PTP4A3: variants seen among roughly 807,000 people sequenced by gnomAD.
PTP4A3 encodes the protein protein tyrosine phosphatase 4A3.
PTP4A3 carries 9 observed loss-of-function variants against 15.2 expected under a neutral mutation model. The observed-to-expected ratio is 0.59, with a 90% CI of 0.36 to 1.03. The LOEUF (loss-of-function observed/expected upper bound fraction) is 1.03, where lower values mean the gene tolerates loss of function less well. PTP4A3 is among the 50% of genes least tolerant of loss of function. The pLI, the probability that PTP4A3 is intolerant of heterozygous loss-of-function variation, is 0.02. For missense variants in PTP4A3, 234 were observed against 252.1 expected (o/e 0.93, Z 0.49); for synonymous variants, 95 against 102.0 (o/e 0.93, Z 0.41).
intron 1 of PTP4A3, among the ~76,000 whole-genome samples, chr8:141,413,598 G>A (rs1202575084): frequency 6.6e-6 from 1 of 152,226 alleles, no homozygotes; most frequent in Non-Finnish European, 1.5e-5. Context: ...GGGCAGGGAG[G>A]GTTAGGGCCG....
Position 141,422,087 on chromosome 8 carries a change from G to C in PTP4A3, c.-154G>C, listed in dbSNP as rs1381751126. On this transcript the variant is annotated 5_prime_UTR_variant, in exon 2 of 6. Transcript: ENST00000521578. ...CAAGTATTTGCACAATATTTGTGCG[G>C]GGTATGGGGGTGGGTTTTTAAATCT... 1 of 652,870 alleles carries C rather than the reference G, an allele frequency of 1.5e-6. No homozygotes were observed. The highest frequency in any genetic ancestry group is 2.7e-6 in the Non-Finnish European group (1 of 375,286). The allele number at this position is 652,870 out of a possible 1,614,324, so 40.4% of individuals were successfully genotyped here. A position where few individuals can be genotyped will look rare whatever the true frequency, so the allele number is the denominator to read the frequency against.
chr8:141,428,870 A>G (rs1833710241), intron 5 of PTP4A3, among the ~76,000 whole-genome samples: 1 of 152,214 alleles, frequency 6.6e-6, no homozygotes, highest in Admixed American at 6.5e-5. Flanking sequence ...ACACATGGAC[A>G]CACATGGATG....
chr8:141,411,279 G>A (rs1451205083), intron 1 of PTP4A3, among the ~76,000 whole-genome samples: 1 of 152,242 alleles, frequency 6.6e-6, no homozygotes, highest in Non-Finnish European at 1.5e-5. Flanking sequence ...AGCCAGTGAT[G>A]TGACTATGAA....
chr8:141,395,811 G>T (rs4961379), intron 1 of PTP4A3, among the ~76,000 whole-genome samples: 6 of 143,514 alleles, frequency 4.2e-5, no homozygotes, highest in Non-Finnish European at 9.2e-5. Context: ...GCATCTTCCC[G>T]GGATGTAGGG....
At chr8:141,419,441 G>A (rs1336723110) in intron 1 of PTP4A3, among the ~76,000 whole-genome samples, 1 of 152,240 alleles carries the variant, frequency 6.6e-6, no homozygotes, top group Admixed American at 6.5e-5. Context: ...CTGTTAGCAC[G>A]TGGTGGCTTC....
Position 141,430,908 on chromosome 8 carries a change from C to T in PTP4A3, c.405-19C>T. The stretch of plus-strand genomic sequence containing the variant: ...GCCAGGTCCTTGGATGATCTCTGTT[C>T]CTGTTCCCCTCTTCCCAGGAAGCGC... On this transcript the variant is annotated intron_variant, in intron 5 of 5. Transcript: ENST00000521578. The T allele has an allele frequency of 1.2e-6, 2 of 1,611,210 alleles. No homozygotes were observed. Among genetic ancestry groups the T allele is most frequent in the Non-Finnish European group, 1.7e-6 (2 of 1,178,370 alleles).
intron 3 of PTP4A3, chr8:141,426,443 CT>C (rs1833581189): frequency 2.0e-6 from 2 of 985,332 alleles, no homozygotes; most frequent in South Asian, 9.4e-5. Flanking sequence ...TGGGCCCTGT[CT>C]CGCCCCACAG....
In PTP4A3 at chr8:141,406,374, G is replaced by A. The variant is rs1018670189; in HGVS notation, c.-854+14290G>A. Among the ~76,000 whole-genome samples, 1 of 152,096 alleles carries A rather than the reference G, an allele frequency of 6.6e-6. No individual in the cohort carries two copies. The highest frequency in any genetic ancestry group is 1.5e-5 in the Non-Finnish European group (1 of 68,006). ...TGCCCTGAAGCACTTCTGAGAAGCC[G>A]GGGAGCAGTTCCCTGGGGTTTCCCC... On this transcript the variant is annotated intron_variant, in intron 1 of 5. Coordinates refer to ENST00000521578, the MANE Select transcript of PTP4A3 (RefSeq NM_032611.3). The surrounding 1 kb of genome is among the most constrained non-coding windows in gnomAD (Gnocchi z 4.5).
chr8:141,414,917 G>A (rs963428867), intron 1 of PTP4A3, among the ~76,000 whole-genome samples: 2 of 151,666 alleles, frequency 1.3e-5, no homozygotes, highest in East Asian at 3.9e-4. Flanking sequence ...CCGGGCCCTG[G>A]ACTGCAGGAA....
chr8:141,411,661 G>A (rs952905920), intron 1 of PTP4A3, among the ~76,000 whole-genome samples: 3 of 152,186 alleles, frequency 2.0e-5, no homozygotes, highest in African/African-American at 7.2e-5. Flanking sequence ...GCTCTTTCCC[G>A]CGGTTCCTCA....
intron 5 of PTP4A3, 97 bp from the exon 6 acceptor site, chr8:141,430,829 TC>T: frequency 8.4e-7 from 1 of 1,190,980 alleles, no homozygotes. Context: ...AAGGCCTTAC[TC>T]CAGCCCACTG....
intron 1 of PTP4A3, among the ~76,000 whole-genome samples, chr8:141,407,568 A>ATT (rs34070633): frequency 0.31 from 43,210 of 139,744 alleles, 6,895 homozygotes; most frequent in East Asian, 0.46. Context: ...TAAACTTTCT[A>ATT]TTTTTTTTTT....
chr8:141,414,247 G>A (rs536069381), intron 1 of PTP4A3, among the ~76,000 whole-genome samples: 1 of 152,364 alleles, frequency 6.6e-6, no homozygotes, highest in Non-Finnish European at 1.5e-5. Flanking sequence ...CCATTGTGGA[G>A]CTGTCCTGTC....
chr8:141,425,255 G>C lies in PTP4A3; in HGVS notation c.198+115G>C. On this transcript the variant is annotated intron_variant, in intron 3 of 5. Coordinates refer to ENST00000521578, the MANE Select transcript of PTP4A3 (RefSeq NM_032611.3). The surrounding 1 kb of genome is among the most constrained non-coding windows in gnomAD (Gnocchi z 4.2). ...CCCCTCCTGTGGCAGCCCTGGGCATGTCTGTGCCTGGGCCACGTGTGTGTC... is the reference window on the plus strand; with the variant it reads ...CCCCTCCTGTGGCAGCCCTGGGCATCTCTGTGCCTGGGCCACGTGTGTGTC... The C allele has an allele frequency of 9.3e-7, 1 of 1,072,070 alleles. No individual in the cohort carries two copies. The highest frequency in any genetic ancestry group is 1.6e-5 in the African/African-American group (1 of 64,254). 66.4% of individuals were successfully genotyped at this position (1,072,070 alleles called of 1,614,324 possible).
At position 141,425,156 on chromosome 8, in the gene PTP4A3, C is replaced by T. The variant is rs769914217; in HGVS notation, c.198+16C>T. On this transcript the variant is annotated intron_variant, in intron 3 of 5. Coordinates refer to ENST00000521578, the MANE Select transcript of PTP4A3 (RefSeq NM_032611.3). The surrounding 1 kb of genome is among the most constrained non-coding windows in gnomAD (Gnocchi z 4.2). The stretch of plus-strand genomic sequence containing the variant: ...CACCGTTGTGGTGAGGCGCGCGCCA[C>T]GGGGACCCTAGTCACTGCTGCCACC... The T allele has an allele frequency of 5.4e-5, 41 of 754,352 alleles. No homozygotes were observed. Among genetic ancestry groups the T allele is most frequent in the Admixed American group, 4.1e-4 (20 of 49,264 alleles). The allele number at this position is 754,352 out of a possible 1,614,324, so 46.7% of individuals were successfully genotyped here. A position where few individuals can be genotyped will look rare whatever the true frequency, so the allele number is the denominator to read the frequency against.
At position 141,417,538 on chromosome 8, in the gene PTP4A3, G is replaced by A. The variant is rs555375597; in HGVS notation, c.-853-3850G>A. On this transcript the variant is annotated intron_variant, in intron 1 of 5. Transcript: ENST00000521578. ...CGCTCTGTCCAGGCCTCCCCACCAG[G>A]AGCGCGGCCCGGCGGCTCCTGCCCT... Among the ~76,000 whole-genome samples the A allele has an allele frequency of 2.0e-5, 3 of 152,214 alleles. No homozygotes were observed. In the South Asian group the frequency reaches 6.2e-4, roughly 32 times the overall value.
At chr8:141,407,441 C>T (rs2129903821) in intron 1 of PTP4A3, among the ~76,000 whole-genome samples, 1 of 152,322 alleles carries the variant, frequency 6.6e-6, no homozygotes, top group East Asian at 1.9e-4. Flanking sequence ...CTGGAAATGA[C>T]CCAAATGTCC....
In PTP4A3 at chr8:141,415,359, C is replaced by G. The variant is rs563442353; in HGVS notation, c.-853-6029C>G. 2.0e-4 allele frequency among the ~76,000 whole-genome samples: 30 copies of G among 151,952 alleles called. No individual in the cohort carries two copies. In the East Asian group the frequency reaches 5.9e-3, roughly 30 times the overall value. On this transcript the variant is annotated intron_variant, in intron 1 of 5. Coordinates refer to ENST00000521578, the MANE Select transcript of PTP4A3 (RefSeq NM_032611.3). ...GGGTCTCCGTGCGCCATCCCCCTCCCGCCCCCTCCCGCTCGCTCCCGCTGT... is the reference window on the plus strand; with the variant it reads ...GGGTCTCCGTGCGCCATCCCCCTCCGGCCCCCTCCCGCTCGCTCCCGCTGT...
intron 1 of PTP4A3, among the ~76,000 whole-genome samples, chr8:141,408,867 C>G (rs765913979): frequency 2.0e-5 from 3 of 152,176 alleles, no homozygotes; most frequent in Admixed American, 6.5e-5. Flanking sequence ...GCTTGGTGTG[C>G]GCTAGAGACT....
Sources: gnomAD v4.1 joint callset for allele counts (sites outside exome capture counted in the v4.1 genomes callset) on GRCh38, gnomAD v4.1.1 for gene constraint, Gnocchi (gnomAD v3.1) non-coding constraint, MANE v1.5 for transcripts, NCBI Gene and HGNC (gene_info 2026-07-23, HGNC 2026-07-21) for gene names.